Variants in ARHGAP42 observed in about 807,000 individuals in gnomAD.
The protein encoded by ARHGAP42 is Rho GTPase activating protein 42.
ARHGAP42 carries 63 observed loss-of-function variants against 125.0 expected under a neutral mutation model. That is an observed-to-expected ratio of 0.50 (90% CI 0.41 to 0.62). The LOEUF (loss-of-function observed/expected upper bound fraction) is 0.62. ARHGAP42 is among the 20% of genes least tolerant of loss of function. The probability of loss-of-function intolerance (pLI) is 0.00; values close to 1 mark genes in which losing one functional copy is unlikely to be tolerated. For missense variants in ARHGAP42, 766 were observed against 1,024.2 expected (o/e 0.75, Z 3.44); for synonymous variants, 339 against 351.0 (o/e 0.97, Z 0.38).
intron 4 of ARHGAP42, among the ~76,000 whole-genome samples, chr11:100,889,720 C>A (rs1263256043): frequency 6.6e-6 from 1 of 152,164 alleles, no homozygotes; most frequent in East Asian, 1.9e-4. Context: ...CTCTTTTTCT[C>A]TGGAAGATGA....
rs199754082 is a variant in ARHGAP42 at position 100,942,111 on chromosome 11, G to A, written c.933+227G>A. On this transcript the variant is annotated intron_variant, in intron 9 of 23. Coordinates refer to ENST00000298815, the MANE Select transcript of ARHGAP42 (RefSeq NM_152432.4). ...ATATTTATAAGCAGTCGAGTTAAAT[G>A]TAGGGATCCTTCAGTAGATTACAGA... is the stretch of plus-strand genomic sequence containing the variant. 2.6e-5 allele frequency among the ~76,000 whole-genome samples: 4 copies of A among 152,172 alleles called. No individual in the cohort carries two copies. The East Asian group carries it at 7.7e-4, about 29-fold the overall frequency.
intron 3 of ARHGAP42, among the ~76,000 whole-genome samples, chr11:100,803,632 G>C (rs191335195): frequency 6.6e-6 from 1 of 152,146 alleles, no homozygotes; most frequent in Non-Finnish European, 1.5e-5. Flanking sequence ...GGACCCAGTG[G>C]CTGCAGCATT....
chr11:100,949,114 G>A (rs1255481157), intron 11 of ARHGAP42, among the ~76,000 whole-genome samples: 2 of 152,026 alleles, frequency 1.3e-5, no homozygotes, highest in Non-Finnish European at 2.9e-5. Context: ...AAAGAACACT[G>A]TTACTAGATC....
chr11:100,771,174 T>G (rs1401763322), intron 2 of ARHGAP42, among the ~76,000 whole-genome samples: 1 of 152,218 alleles, frequency 6.6e-6, no homozygotes, highest in East Asian at 1.9e-4. Context: ...AGAACATTAC[T>G]GCGGATCAGG....
intron 3 of ARHGAP42, among the ~76,000 whole-genome samples, chr11:100,856,847 G>A (rs1865333361): frequency 6.6e-6 from 1 of 151,976 alleles, no homozygotes; most frequent in Non-Finnish European, 1.5e-5. Context: ...CTATGCTAGT[G>A]ATTTTTTTCA....
At chr11:100,710,106 TA>T (rs1394003623) in intron 1 of ARHGAP42, among the ~76,000 whole-genome samples, 3 of 152,250 alleles carry the variant, frequency 2.0e-5, no homozygotes, top group Non-Finnish European at 4.4e-5. Flanking sequence ...TCCTTTTTCT[TA>T]ATGTGGACAG....
At chr11:100,933,027 C>A in intron 6 of ARHGAP42, 129 bp from the exon 7 acceptor site, 1 of 601,754 alleles carries the variant, frequency 1.7e-6, no homozygotes. Context: ...TATTGCCTGC[C>A]TTGCCAAAGC....
At chr11:100,875,128 T>A in intron 4 of ARHGAP42, among the ~76,000 whole-genome samples, 1 of 121,818 alleles carries the variant, frequency 8.2e-6, no homozygotes, top group East Asian at 1.9e-4. Context: ...TGTGTGTGTG[T>A]GTGTGTGTGT....
intron 1 of ARHGAP42, among the ~76,000 whole-genome samples, chr11:100,688,424 G>A (rs554513086): frequency 1.4e-4 from 22 of 152,318 alleles, no homozygotes; most frequent in Non-Finnish European, 2.8e-4. Context: ...TTTGCATTGT[G>A]TGGGTGTTGG....
Position 100,965,882 on chromosome 11 carries a change from G to A in ARHGAP42, c.1550+106G>A, listed in dbSNP as rs1446636299. 4.9e-6 allele frequency: 5 copies of A among 1,018,726 alleles called. No individual in the cohort carries two copies. The Admixed American group carries it at 8.4e-5, about 17-fold the overall frequency. 63.1% of individuals were successfully genotyped at this position (1,018,726 alleles called of 1,614,324 possible). On this transcript the variant is annotated intron_variant, in intron 17 of 23. Coordinates refer to ENST00000298815, the MANE Select transcript of ARHGAP42 (RefSeq NM_152432.4). ...TGTTATAACATTGGTATTATAATTA[G>A]AGTCCATTGAATTTGCTTAAAAAAT...
At chr11:100,751,465 T>A (rs1430509642) in intron 1 of ARHGAP42, among the ~76,000 whole-genome samples, 3 of 129,164 alleles carry the variant, frequency 2.3e-5, no homozygotes, top group African/African-American at 7.8e-5. Context: ...TACTTTTTTA[T>A]TTTTTTTTTT....
At chr11:100,967,558 A>G (rs971580918) in intron 17 of ARHGAP42, among the ~76,000 whole-genome samples, 1 of 152,220 alleles carries the variant, frequency 6.6e-6, no homozygotes, top group African/African-American at 2.4e-5. Flanking sequence ...CAGGTGACCA[A>G]TAATCCTTAC....
intron 22 of ARHGAP42, among the ~76,000 whole-genome samples, 153 bp from the exon 23 acceptor site, chr11:100,987,360 G>A (rs1359982433): frequency 2.0e-5 from 3 of 152,130 alleles, no homozygotes; most frequent in African/African-American, 7.2e-5. Context: ...TGTGTTCAGT[G>A]CAAAAAGCAC....
chr11:100,918,369 T>C (rs1183167839), intron 5 of ARHGAP42, among the ~76,000 whole-genome samples: 1 of 152,240 alleles, frequency 6.6e-6, no homozygotes, highest in South Asian at 2.1e-4. Flanking sequence ...TGAATTGAGA[T>C]AGCATTACAA....
At chr11:100,907,922 G>T (rs1226974610) in intron 4 of ARHGAP42, among the ~76,000 whole-genome samples, 1 of 152,126 alleles carries the variant, frequency 6.6e-6, no homozygotes, top group Non-Finnish European at 1.5e-5. Context: ...TAAGTTGAAG[G>T]ATTTCTCAAA....
At chr11:100,701,894 CTTT>C (rs1861403397) in intron 1 of ARHGAP42, among the ~76,000 whole-genome samples, 1 of 151,980 alleles carries the variant, frequency 6.6e-6, no homozygotes, top group Admixed American at 6.6e-5. Context: ...AGAACTTTTC[CTTT>C]GCATTCATAA....
At chr11:100,946,089 CTTATACTT>C (rs1237883562) in intron 10 of ARHGAP42, among the ~76,000 whole-genome samples, 2 of 152,112 alleles carry the variant, frequency 1.3e-5, no homozygotes, top group East Asian at 3.9e-4. Flanking sequence ...ACTGCTTCAT[CTTATACTT>C]TTATATTATG....
chr11:100,767,778 A>G (rs993167501), intron 1 of ARHGAP42, among the ~76,000 whole-genome samples: 1 of 152,214 alleles, frequency 6.6e-6, no homozygotes, highest in Non-Finnish European at 1.5e-5. Context: ...CCAGCAGAAC[A>G]TAAGGCCTTT....
chr11:100,688,401 G>A (rs1299520395), intron 1 of ARHGAP42, among the ~76,000 whole-genome samples: 1 of 152,186 alleles, frequency 6.6e-6, no homozygotes, highest in East Asian at 1.9e-4. Context: ...TTTTCTGTGC[G>A]TCTTAGTTTT....
Sources: allele counts gnomAD v4.1 joint callset (sites outside exome capture counted in the v4.1 genomes callset), GRCh38; gene constraint gnomAD v4.1.1; transcripts MANE v1.5; gene names NCBI Gene and HGNC (gene_info 2026-07-23, HGNC 2026-07-21).